Variants in CELF2 observed in about 807,000 individuals in gnomAD.
The protein encoded by CELF2 is CUG triplet repeat RNA-binding protein 2.
Under a neutral mutation model 62.6 loss-of-function variants are expected in CELF2, and 8 were observed. That is an observed-to-expected ratio of 0.13 (90% CI 0.07 to 0.23). The LOEUF (loss-of-function observed/expected upper bound fraction) is 0.23. Ranked by LOEUF, CELF2 falls within the 10% of genes least tolerant of loss-of-function variation. The probability of loss-of-function intolerance (pLI) is 1.00; values close to 1 mark genes in which losing one functional copy is unlikely to be tolerated. For synonymous variants in CELF2, 258 were observed against 250.0 expected (o/e 1.03, Z -0.30); for missense variants, 333 against 671.0 (o/e 0.50, Z 5.56).
chr10:10,736,681 A>G, the CELF2 span, among the ~76,000 whole-genome samples: 1 of 151,822 alleles, frequency 6.6e-6, no homozygotes, highest in Admixed American at 6.6e-5. Flanking sequence ...GAAAATAAAG[A>G]AAAAAAATGT....
At position 11,197,045 on chromosome 10, in the gene CELF2, G is replaced by GAAGT. The variant is rs2057982582; in HGVS notation, c.272-20378_272-20377insGTAA. The stretch of plus-strand genomic sequence containing the variant: ...GAAAGAAAAGAAAGAAAGAAAGAAA[G>GAAGT]AAAGAAAGAAAGAAAAGAAAGAAAG... On this transcript the variant is annotated intron_variant, in intron 2 of 12. Transcript: ENST00000633077. Among the ~76,000 whole-genome samples the GAAGT allele has an allele frequency of 3.9e-5, 2 of 51,034 alleles. 1 individual carries two copies. Among genetic ancestry groups the GAAGT allele is most frequent in the Non-Finnish European group, 8.2e-5 (2 of 24,308 alleles). 33.5% of individuals were successfully genotyped at this position (51,034 alleles called of 152,430 possible).
the CELF2 span, among the ~76,000 whole-genome samples, chr10:10,516,500 G>A: frequency 6.6e-6 from 1 of 152,088 alleles, no homozygotes; most frequent in Non-Finnish European, 1.5e-5. Flanking sequence ...TTGCTATGTG[G>A]TAAGGGTGAG....
chr10:10,605,384 T>C, the CELF2 span, among the ~76,000 whole-genome samples: 11 of 152,216 alleles, frequency 7.2e-5, no homozygotes, highest in Non-Finnish European at 1.5e-4. Flanking sequence ...CACGTTTACA[T>C]ATGTAACAAA....
At chr10:10,878,103 C>T (rs375007142) in intron 1 of CELF2, among the ~76,000 whole-genome samples, 1 of 152,196 alleles carries the variant, frequency 6.6e-6, no homozygotes, top group African/African-American at 2.4e-5. Flanking sequence ...GCTCGCCCGC[C>T]AGCAGGAATT....
At chr10:10,986,789 G>C (rs935463966) in intron 2 of CELF2, among the ~76,000 whole-genome samples, 6 of 152,190 alleles carry the variant, frequency 3.9e-5, no homozygotes, top group African/African-American at 1.4e-4. Context: ...GGCTCACAGG[G>C]AGGAATGTGT....
the CELF2 span, among the ~76,000 whole-genome samples, chr10:10,537,892 C>T: frequency 6.6e-6 from 1 of 152,292 alleles, no homozygotes. Context: ...GGCTTGGAGC[C>T]ATTTGGGCAG....
At chr10:11,005,081 T>A (rs2054954838), upstream of CELF2, 1 of 985,264 alleles carries the variant, frequency 1.0e-6, no homozygotes, top group African/African-American at 1.7e-5. The surrounding 1 kb of genome is among the most constrained non-coding windows in gnomAD (Gnocchi z 4.3). Flanking sequence ...CCAGCCAGGC[T>A]TGAGTGAATG....
chr10:11,204,942 G>C (rs972716434), intron 2 of CELF2, among the ~76,000 whole-genome samples: 4 of 152,178 alleles, frequency 2.6e-5, no homozygotes, highest in Admixed American at 2.0e-4. Context: ...GTGCTCCTTA[G>C]CCGTAGGTTT....
chr10:10,591,676 C>G, the CELF2 span, among the ~76,000 whole-genome samples: 1 of 152,092 alleles, frequency 6.6e-6, no homozygotes, highest in East Asian at 1.9e-4. Context: ...GACGTTTGCA[C>G]TTTTTAAGGA....
intron 3 of CELF2, among the ~76,000 whole-genome samples, chr10:11,229,063 GAAGCT>G (rs1156396023): frequency 6.6e-6 from 1 of 152,202 alleles, no homozygotes; most frequent in East Asian, 1.9e-4. Context: ...GATAGATGAG[GAAGCT>G]GGAGCCCAGG....
At chr10:10,603,136 C>A in the CELF2 span, among the ~76,000 whole-genome samples, 1 of 150,312 alleles carries the variant, frequency 6.7e-6, no homozygotes, top group African/African-American at 2.4e-5. Context: ...TTATTTCTAA[C>A]GAAAAGAAGA....
At chr10:10,479,370 T>TTC in the CELF2 span, among the ~76,000 whole-genome samples, 1 of 152,140 alleles carries the variant, frequency 6.6e-6, no homozygotes, top group African/African-American at 2.4e-5. Context: ...GGTTTCACCA[T>TTC]GTTGGCCAGG....
At chr10:11,215,280 C>T (rs114756650) in intron 2 of CELF2, among the ~76,000 whole-genome samples, 72 of 152,360 alleles carry the variant, frequency 4.7e-4, no homozygotes, top group African/African-American at 1.7e-3. Flanking sequence ...GGTCAAAGCT[C>T]TCCACAGCTG....
At chr10:10,706,492 C>T in the CELF2 span, among the ~76,000 whole-genome samples, 1 of 152,102 alleles carries the variant, frequency 6.6e-6, no homozygotes, top group Non-Finnish European at 1.5e-5. Flanking sequence ...GTGTCTTAAC[C>T]CAGAGTGTCT....
chr10:11,014,040 C>G (rs1366917995), upstream of CELF2, among the ~76,000 whole-genome samples: 3 of 152,180 alleles, frequency 2.0e-5, no homozygotes, highest in African/African-American at 7.2e-5. Context: ...ATGGGAAATC[C>G]CCTCACAGGG....
At chr10:10,734,003 TA>T in the CELF2 span, among the ~76,000 whole-genome samples, 1 of 152,188 alleles carries the variant, frequency 6.6e-6, no homozygotes, top group African/African-American at 2.4e-5. Context: ...AAACATTTTA[TA>T]AAACCTCAAT....
the CELF2 span, among the ~76,000 whole-genome samples, chr10:10,511,483 G>C: frequency 2.6e-4 from 39 of 152,028 alleles, no homozygotes; most frequent in African/African-American, 8.7e-4. Context: ...ATATATGGGT[G>C]TGTTTGGATT....
chr10:11,016,337 A>G (rs2057252860), upstream of CELF2, among the ~76,000 whole-genome samples: 1 of 152,214 alleles, frequency 6.6e-6, no homozygotes. The surrounding 1 kb of genome is among the most constrained non-coding windows in gnomAD (Gnocchi z 5.2). Flanking sequence ...TCCTCCAGTA[A>G]GGTAGTATTT....
At chr10:10,861,845 A>G (rs2133131200) in intron 1 of CELF2, among the ~76,000 whole-genome samples, 1 of 152,352 alleles carries the variant, frequency 6.6e-6, no homozygotes, top group Admixed American at 6.5e-5. Context: ...AATATGCTCA[A>G]AGTTAGACAA....
Sources: gnomAD v4.1 joint callset for allele counts (sites outside exome capture counted in the v4.1 genomes callset) on GRCh38, gnomAD v4.1.1 for gene constraint, Gnocchi (gnomAD v3.1) non-coding constraint, MANE v1.5 for transcripts, NCBI Gene and HGNC (gene_info 2026-07-23, HGNC 2026-07-21) for gene names.